Variants in GOLGB1 observed in about 807,000 individuals in gnomAD.
The protein encoded by GOLGB1 is golgin subfamily B member 1.
Under a neutral mutation model 336.9 loss-of-function variants are expected in GOLGB1, and 174 were observed. That is an observed-to-expected ratio of 0.52 (90% confidence interval 0.46 to 0.59). GOLGB1 has a LOEUF of 0.59. GOLGB1 is among the 20% of genes least tolerant of loss of function. GOLGB1 has a pLI of 0.00. For missense variants in GOLGB1, 3,331 were observed against 3,645.3 expected (o/e 0.91, Z 2.22); for synonymous variants, 1,208 against 1,289.2 (o/e 0.94, Z 1.35).
intron 14 of GOLGB1, among the ~76,000 whole-genome samples, chr3:121,688,358 G>A (rs1379650569): frequency 6.6e-5 from 10 of 152,352 alleles, no homozygotes; most frequent in African/African-American, 1.9e-4. Context: ...ACTGGTTTTC[G>A]TATTTTTTGG....
intron 5 of GOLGB1, among the ~76,000 whole-genome samples, chr3:121,723,106 A>G (rs77558481): frequency 6.6e-6 from 1 of 152,364 alleles, no homozygotes; most frequent in African/African-American, 2.4e-5. Context: ...TGTATAATTC[A>G]GTATCAACTA....
At chr3:121,703,650 G>A (rs77480518) in intron 10 of GOLGB1, among the ~76,000 whole-genome samples, 19,295 of 152,114 alleles carry the variant, frequency 0.13, 1,442 homozygotes, top group African/African-American at 0.19. Context: ...TGGGGTTTGA[G>A]TCCAACTTAC....
In GOLGB1 at chr3:121,698,039, C is replaced by G. The variant is rs1473743147; in HGVS notation, c.2484G>C (p.Gln828His). Residue 828 changes from glutamine to histidine, a missense_variant, in exon 13 of 22, where the codon CAG (glutamine) becomes CAC (histidine). Transcript: ENST00000614479. ...EVLQNELDDV[Q>H]LQFSEQSTLI... Reference sequence around the variant, plus strand: ...GGGTACTCTGCTCAGAAAACTGAAGCTGCACATCATCCAGTTCATTCTGTA... The same window carrying G: ...GGGTACTCTGCTCAGAAAACTGAAGGTGCACATCATCCAGTTCATTCTGTA... 1 of 1,614,054 alleles carries G rather than the reference C, an allele frequency of 6.2e-7. No homozygotes were observed. The highest frequency in any genetic ancestry group is 1.7e-5 in the Admixed American group (1 of 60,020).
At chr3:121,703,262 T>C (rs7647351) in intron 10 of GOLGB1, among the ~76,000 whole-genome samples, 34,358 of 152,118 alleles carry the variant, frequency 0.23, 4,176 homozygotes, top group East Asian at 0.46. Flanking sequence ...TACAGCATAT[T>C]TGACCCCGAA....
At chr3:121,686,547 T>A (rs1280892967) in intron 14 of GOLGB1, among the ~76,000 whole-genome samples, 1 of 152,230 alleles carries the variant, frequency 6.6e-6, no homozygotes, top group Non-Finnish European at 1.5e-5. Flanking sequence ...TAGAGATATG[T>A]CATCTGCTTA....
At position 121,676,919 on chromosome 3, in the gene GOLGB1, A is replaced by G. The variant is rs116052326; in HGVS notation, c.9151T>C (p.Leu3051=). ...DSLKEIHQKE[L]RIQQLNSNFS... The stretch of plus-strand genomic sequence containing the variant: ...TTGCTGTTCAGTTGCTGAATTCTTA[A>G]CTCCTTTTGGTGAATTTCCTTTAAG... Residue 3051 remains leucine, a synonymous_variant, in exon 17 of 22, where the codon TTA becomes CTA. Transcript: ENST00000614479. 1.6e-4 allele frequency: 254 copies of G among 1,613,704 alleles called. No individual in the cohort carries two copies. The highest frequency in any genetic ancestry group is 8.3e-4 in the Middle Eastern group (5 of 6,060).
chr3:121,717,748 T>G (rs1020352788), intron 8 of GOLGB1, among the ~76,000 whole-genome samples: 2 of 152,148 alleles, frequency 1.3e-5, no homozygotes. Flanking sequence ...GAAGAGTAAC[T>G]GATGAAAAAG....
At position 121,691,095 on chromosome 3, in the gene GOLGB1, C is replaced by T; in HGVS notation, c.8269G>A (p.Glu2757Lys). 1.2e-6 allele frequency: 2 copies of T among 1,614,058 alleles called. No homozygotes were observed. The highest frequency in any genetic ancestry group is 1.7e-6 in the Non-Finnish European group (2 of 1,180,024). ...SLQNSRDHAN[E>K]ELDELKRKYD... Reference sequence around the variant, plus strand: ...TTCCTTTTCAGTTCATCAAGTTCCTCATTGGCATGATCTCTACTATTTTGC... The same window carrying T: ...TTCCTTTTCAGTTCATCAAGTTCCTTATTGGCATGATCTCTACTATTTTGC... Residue 2757 changes from glutamate to lysine, a missense_variant, in exon 14 of 22, where the codon GAG becomes AAG. By Grantham distance (56) the Glu-to-Lys change is moderately conservative. Transcript: ENST00000614479.
chr3:121,741,981 G>A (rs187110202), intron 1 of GOLGB1, among the ~76,000 whole-genome samples: 1 of 152,122 alleles, frequency 6.6e-6, no homozygotes, highest in Non-Finnish European at 1.5e-5. Flanking sequence ...GGTTCCCATT[G>A]GCTAAAAGGA....
At chr3:121,689,667 T>A (rs949547554) in intron 14 of GOLGB1, among the ~76,000 whole-genome samples, 2 of 148,202 alleles carry the variant, frequency 1.3e-5, no homozygotes, top group African/African-American at 5.0e-5. Flanking sequence ...AAAAAAAAAA[T>A]TAGAATTTTC....
chr3:121,695,085 C>G lies in GOLGB1; in HGVS notation c.5438G>C (p.Arg1813Thr), dbSNP rs755815453. The change falls in exon 13 of 22, where the codon AGA becomes ACA. Residue 1813 changes from arginine to threonine, a missense_variant. By Grantham distance (71) the Arg-to-Thr change is moderately conservative (BLOSUM62 -1). Coordinates refer to ENST00000614479, the MANE Select transcript of GOLGB1 (RefSeq NM_001366282.2). The part of the protein sequence containing the change: ...EEQDSLSMST[R>T]PTCSESVPSA... ...TGGAACCGATTCTGAACATGTAGGT[C>G]TTGTGCTCATACTCAGAGAGTCTTG... 2.7e-5 allele frequency: 44 copies of G among 1,613,836 alleles called. No individual in the cohort carries two copies. Among genetic ancestry groups the G allele is most frequent in the Non-Finnish European group, 3.7e-5 (44 of 1,180,024 alleles).
At chr3:121,730,265 A>AC in intron 2 of GOLGB1, 1 of 342,460 alleles carries the variant, frequency 2.9e-6, no homozygotes. Flanking sequence ...AAAGAGAAAA[A>AC]TAAAGGAAAG....
intron 9 of GOLGB1, 68 bp downstream of exon 9, chr3:121,716,669 C>G: frequency 7.9e-7 from 1 of 1,269,630 alleles, no homozygotes; most frequent in Non-Finnish European, 1.1e-6. Context: ...TAACAGATCC[C>G]TGAAAATATG....
At chr3:121,673,752 G>A (rs915711490) in intron 17 of GOLGB1, among the ~76,000 whole-genome samples, 6 of 149,916 alleles carry the variant, frequency 4.0e-5, no homozygotes, top group African/African-American at 1.2e-4. Flanking sequence ...ACACAGTCTC[G>A]CTCTGTCACC....
At chr3:121,712,423 A>G (rs1560275627) in intron 10 of GOLGB1, among the ~76,000 whole-genome samples, 1 of 149,062 alleles carries the variant, frequency 6.7e-6, no homozygotes, top group Non-Finnish European at 1.5e-5. Context: ...CAGGACACAG[A>G]AAAAAAAAAC....
At chr3:121,716,640 G>T in intron 9 of GOLGB1, 97 bp downstream of exon 9, 1 of 1,011,362 alleles carries the variant, frequency 9.9e-7, no homozygotes, top group Non-Finnish European at 1.5e-6. Context: ...GGTTCAATTG[G>T]TTTGAGTACA....
At chr3:121,727,316 ATATATTTTTT>A (rs1300385127) in intron 4 of GOLGB1, among the ~76,000 whole-genome samples, 52 of 36,044 alleles carry the variant, frequency 1.4e-3, no homozygotes, top group African/African-American at 3.9e-3. Flanking sequence ...ATATATATAT[ATATATTTTTT>A]TTTTTTTTTT....
rs865877011 is a variant in GOLGB1 at position 121,669,310 on chromosome 3, A to G, written c.9223T>C (p.Cys3075Arg). ...EEKNTLSIQLCDTSQSLRENQ... is the reference protein window; with the variant it reads ...EEKNTLSIQLRDTSQSLRENQ... ...TCACGAAGACTCTGACTGGTATCGC[A>G]GAGCTGAATGGAAAGGGTGTTTTTC... The change falls in exon 18 of 22, where the codon TGC becomes CGC. Residue 3075 changes from cysteine to arginine, a missense_variant. Coordinates refer to ENST00000614479, the MANE Select transcript of GOLGB1 (RefSeq NM_001366282.2). 6.2e-7 allele frequency: 1 copy of G among 1,614,044 alleles called. No individual in the cohort carries two copies.
chr3:121,692,177 T>C lies in GOLGB1; in HGVS notation c.7187A>G (p.Lys2396Arg). ...EQKIISLLSG[K>R]EEAIQVAIAE... ...AATAGCTACTTGGATTGCCTCTTCCTTGCCAGAAAGCAGGCTTATAATCTT... is the reference window on the plus strand; with the variant it reads ...AATAGCTACTTGGATTGCCTCTTCCCTGCCAGAAAGCAGGCTTATAATCTT... The change falls in exon 14 of 22, where the codon AAG becomes AGG. Residue 2396 changes from lysine to arginine, a missense_variant. Transcript: ENST00000614479. 1.2e-6 allele frequency: 2 copies of C among 1,604,610 alleles called. No homozygotes were observed. The highest frequency in any genetic ancestry group is 1.7e-6 in the Non-Finnish European group (2 of 1,177,564).
Sources: gnomAD v4.1 joint callset for allele counts (sites outside exome capture counted in the v4.1 genomes callset) on GRCh38, gnomAD v4.1.1 for gene constraint, MANE v1.5 for transcripts, NCBI Gene and HGNC (gene_info 2026-07-23, HGNC 2026-07-21) for gene names.